The following BLK variants were observed in gnomAD, a reference collection of about 807,000 sequenced individuals.
The protein encoded by BLK is BLK proto-oncogene, Src family tyrosine kinase.
BLK carries 64 observed loss-of-function variants against 61.8 expected under a neutral mutation model. The ratio of observed to expected loss-of-function variants is 1.03; its 90% CI spans 0.85 to 1.27. BLK has a LOEUF of 1.27. Ranked by LOEUF, BLK falls within the 50% of genes most tolerant of loss-of-function variation. BLK has a pLI of 0.00. For synonymous variants in BLK, 351 were observed against 272.0 expected (o/e 1.29, Z -2.86); for missense variants, 853 against 660.5 (o/e 1.29, Z -3.19).
At chr8:11,557,937 G>A in intron 9 of BLK, 25 bp from the exon 10 acceptor site, 7 of 1,610,912 alleles carry the variant, frequency 4.3e-6, no homozygotes, top group Non-Finnish European at 5.9e-6. Context: ...TTGCAGAAGG[G>A]CACTTGCAAC....
At chr8:11,505,315 C>G (rs1364548976) in intron 1 of BLK, among the ~76,000 whole-genome samples, 1 of 152,144 alleles carries the variant, frequency 6.6e-6, no homozygotes, top group African/African-American at 2.4e-5. Context: ...TTTCTGTTGT[C>G]AAATAGCAAG....
At chr8:11,516,812 C>A (rs912385675) in intron 1 of BLK, among the ~76,000 whole-genome samples, 1 of 152,214 alleles carries the variant, frequency 6.6e-6, no homozygotes, top group African/African-American at 2.4e-5. Context: ...CCACACTGGG[C>A]TTATCCATCC....
Position 11,563,025 on chromosome 8 carries a change from C to G in BLK, c.1227C>G (p.Phe409Leu), listed in dbSNP as rs200819560. The G allele has an allele frequency of 5.0e-6, 8 of 1,614,056 alleles. No individual in the cohort carries two copies. Among genetic ancestry groups the G allele is most frequent in the South Asian group, 1.1e-5 (1 of 91,088 alleles). ...IKWTAPEAIHFGVFTIKADVW... is the reference protein window; with the variant it reads ...IKWTAPEAIHLGVFTIKADVW... The stretch of plus-strand genomic sequence containing the variant: ...GGACAGCCCCGGAAGCCATCCACTT[C>G]GGGGTCTTCACCATCAAAGCAGACG... The change falls in exon 12 of 13, where the codon TTC becomes TTG. Residue 409 changes from phenylalanine (F) to leucine (L), a missense_variant. Transcript: ENST00000259089.
chr8:11,508,643 T>G (rs528460291), intron 1 of BLK, among the ~76,000 whole-genome samples: 1 of 152,344 alleles, frequency 6.6e-6, no homozygotes, highest in Admixed American at 6.5e-5. Context: ...CTCCTGGAAT[T>G]GGAACTGTCA....
chr8:11,511,769 A>G (rs2117289377), intron 1 of BLK, among the ~76,000 whole-genome samples: 1 of 152,350 alleles, frequency 6.6e-6, no homozygotes, highest in East Asian at 1.9e-4. Flanking sequence ...GATGTAGTGC[A>G]ACATTCAACA....
At chr8:11,559,622 C>T (rs1378299857) in intron 10 of BLK, among the ~76,000 whole-genome samples, 1 of 152,166 alleles carries the variant, frequency 6.6e-6, no homozygotes, top group Non-Finnish European at 1.5e-5. Context: ...TGCAAAGTCT[C>T]GCCAGACCTT....
At chr8:11,523,203 A>G (rs555863934) in intron 1 of BLK, among the ~76,000 whole-genome samples, 1 of 152,368 alleles carries the variant, frequency 6.6e-6, no homozygotes, top group South Asian at 2.1e-4. Context: ...TAAATTGACT[A>G]GGTAGAAATG....
intron 2 of BLK, among the ~76,000 whole-genome samples, chr8:11,545,193 G>A (rs942104611): frequency 2.0e-5 from 3 of 152,132 alleles, no homozygotes; most frequent in Admixed American, 2.0e-4. Flanking sequence ...TAATTTTATT[G>A]CCTGAGTATA....
chr8:11,521,046 A>T (rs1337106687), intron 1 of BLK, among the ~76,000 whole-genome samples: 1 of 152,244 alleles, frequency 6.6e-6, no homozygotes, highest in African/African-American at 2.4e-5. Flanking sequence ...CTGAAACTGT[A>T]TCATTAAACT....
At chr8:11,563,307 C>T (rs375340037) in intron 12 of BLK, among the ~76,000 whole-genome samples, 197 bp downstream of exon 12, 5 of 152,230 alleles carry the variant, frequency 3.3e-5, no homozygotes, top group Non-Finnish European at 7.3e-5. Flanking sequence ...AGGGCTGTGT[C>T]TCCTTCCTCC....
rs1801110505 is a variant in BLK at position 11,554,768 on chromosome 8, T to C, written c.498T>C (p.Asp166=). The C allele has an allele frequency of 2.5e-6, 4 of 1,613,848 alleles. No individual in the cohort carries two copies. The highest frequency in any genetic ancestry group is 2.5e-6 in the Non-Finnish European group (3 of 1,180,026). The part of the protein sequence containing the change: ...NKGAFSLSVK[D]VTTQGELIKH... ...GTGCCTTCTCCCTGTCTGTGAAGGA[T>C]GTCACCACCCAGGGGGAGCTGATCA... Residue 166 remains aspartate (D), a synonymous_variant, in exon 7 of 13, where the codon GAT becomes GAC. Transcript: ENST00000259089.
chr8:11,529,219 T>C (rs1336579842), intron 1 of BLK, among the ~76,000 whole-genome samples: 1 of 152,130 alleles, frequency 6.6e-6, no homozygotes, highest in Non-Finnish European at 1.5e-5. Context: ...GACAGAGGAA[T>C]TGCAAAAGAG....
intron 1 of BLK, among the ~76,000 whole-genome samples, chr8:11,518,932 G>C (rs10113720): frequency 6.6e-6 from 1 of 152,100 alleles, no homozygotes; most frequent in Non-Finnish European, 1.5e-5. Flanking sequence ...AGCATACGTC[G>C]CACTTTCTGG....
intron 1 of BLK, among the ~76,000 whole-genome samples, chr8:11,541,225 G>T (rs937559680): frequency 6.6e-6 from 1 of 152,154 alleles, no homozygotes; most frequent in East Asian, 1.9e-4. Flanking sequence ...CCAAGATTAG[G>T]TCGTGGGACT....
intron 1 of BLK, among the ~76,000 whole-genome samples, chr8:11,505,212 A>G (rs1352704432): frequency 2.6e-5 from 4 of 152,270 alleles, no homozygotes. Context: ...TCTGTGCCAT[A>G]AAGTTTCCTA....
chr8:11,505,362 G>A (rs899415743), intron 1 of BLK, among the ~76,000 whole-genome samples: 6 of 152,086 alleles, frequency 3.9e-5, no homozygotes, highest in Non-Finnish European at 7.4e-5. Context: ...GCCTGGAGAA[G>A]GGAGACAGCA....
chr8:11,534,105 G>T (rs1336152758), intron 1 of BLK, among the ~76,000 whole-genome samples: 1 of 152,188 alleles, frequency 6.6e-6, no homozygotes, highest in Non-Finnish European at 1.5e-5. Flanking sequence ...CTGGGGCTGG[G>T]GTTGGGAGTC....
At chr8:11,518,490 C>T (rs898031848) in intron 1 of BLK, among the ~76,000 whole-genome samples, 4 of 152,078 alleles carry the variant, frequency 2.6e-5, no homozygotes, top group African/African-American at 9.7e-5. Flanking sequence ...TCCCTTGCAC[C>T]TCTGAAGGTC....
chr8:11,498,554 A>G (rs1388895706), intron 1 of BLK, among the ~76,000 whole-genome samples: 1 of 152,212 alleles, frequency 6.6e-6, no homozygotes, highest in African/African-American at 2.4e-5. Context: ...ACTTGGACAT[A>G]GAAGTCAGAC....
Sources: gnomAD v4.1 joint callset for allele counts (sites outside exome capture counted in the v4.1 genomes callset) on GRCh38, gnomAD v4.1.1 for gene constraint, MANE v1.5 for transcripts, NCBI Gene and HGNC (gene_info 2026-07-23, HGNC 2026-07-21) for gene names.